SEPTIN6: variants seen among roughly 807,000 people sequenced by gnomAD.
The protein encoded by SEPTIN6 is septin-6.
A neutral mutation model predicts 33.6 loss-of-function variants in SEPTIN6; 8 were observed. The ratio of observed to expected loss-of-function variants is 0.24; its 90% CI spans 0.14 to 0.43. SEPTIN6 has a LOEUF of 0.43. Ranked by LOEUF, SEPTIN6 falls within the 20% of genes least tolerant of loss-of-function variation. SEPTIN6 has a pLI of 1.00. For missense variants in SEPTIN6, 250 were observed against 340.8 expected (o/e 0.73, Z 2.10); for synonymous variants, 131 against 140.0 (o/e 0.94, Z 0.45).
chrX:119,636,402 C>T (rs754809373), intron 7 of SEPTIN6, among the ~76,000 whole-genome samples: 1 of 111,766 alleles, frequency 8.9e-6, no homozygotes, highest in Non-Finnish European at 1.9e-5. Context: ...CAAAAACATT[C>T]CCCTTCTCTA....
intron 9 of SEPTIN6, chrX:119,629,087 T>C: frequency 2.6e-6 from 1 of 379,231 alleles, no homozygotes; most frequent in South Asian, 5.9e-5. Flanking sequence ...GCTGGACAGA[T>C]GGGCTGGGCC....
intron 10 of SEPTIN6, among the ~76,000 whole-genome samples, chrX:119,620,611 A>G (rs1347864773): frequency 1.6e-4 from 16 of 100,749 alleles, no homozygotes; most frequent in East Asian, 9.6e-4. Context: ...GAGCCACTGC[A>G]CCCGGCTCTT....
intron 3 of SEPTIN6, among the ~76,000 whole-genome samples, chrX:119,661,041 CAAAAAAAAAAAAAAAA>C (rs58898121): frequency 1.0e-4 from 1 of 9,533 alleles, no homozygotes. Context: ...GACTCCATCT[CAAAAAAAAAAAAAAAA>C]AAAAAAAAAA....
chrX:119,659,157 G>C (rs1244932552), intron 3 of SEPTIN6, among the ~76,000 whole-genome samples: 1 of 111,743 alleles, frequency 8.9e-6, no homozygotes, highest in Non-Finnish European at 1.9e-5. Context: ...GTGTTTGTGT[G>C]AGAGGGTCTC....
rs750823322 is a variant in SEPTIN6 at position 119,663,471 on chromosome X, G to A, written c.341+11C>T. ...CCTCCCCACCCTACCCCACCCCACC[G>A]CCTTCTTTACCTGTCCTCTTTGTTG... On this transcript the variant is annotated intron_variant, in intron 3 of 10. Transcript: ENST00000394610. 2.6e-4 allele frequency: 76 copies of A among 296,533 alleles called. No homozygotes were observed. The highest frequency in any genetic ancestry group is 2.0e-3 in the Middle Eastern group (3 of 1,521). The allele number at this position is 296,533 out of a possible 1,213,427, so 24.4% of individuals were successfully genotyped here. A position where few individuals can be genotyped will look rare whatever the true frequency, so the allele number is the denominator to read the frequency against.
chrX:119,648,977 TAGG>T (rs2054308777), intron 5 of SEPTIN6, among the ~76,000 whole-genome samples: 1 of 111,581 alleles, frequency 9.0e-6, no homozygotes, highest in Non-Finnish European at 1.9e-5. Flanking sequence ...AAGGAAGCAT[TAGG>T]AGATGTTTGC....
chrX:119,665,085 A>ATTC (rs201248910), intron 2 of SEPTIN6, among the ~76,000 whole-genome samples: 4 of 103,930 alleles, frequency 3.8e-5, no homozygotes, highest in South Asian at 4.2e-4. Flanking sequence ...GGCCACAAAA[A>ATTC]TTCTTCTTCT....
At chrX:119,678,941 ATTTTC>A (rs2054896120) in intron 1 of SEPTIN6, among the ~76,000 whole-genome samples, 1 of 110,454 alleles carries the variant, frequency 9.1e-6, no homozygotes. Context: ...AGAAGAAAAA[ATTTTC>A]TTTTCTTTCC....
At chrX:119,652,804 A>C in intron 4 of SEPTIN6, 50 bp downstream of exon 4, 6 of 1,074,556 alleles carry the variant, frequency 5.6e-6, no homozygotes, top group African/African-American at 1.8e-5. Context: ...ACTTTGCACA[A>C]GAGATCAGTA....
chrX:119,682,886 G>A (rs1461966370), intron 1 of SEPTIN6, among the ~76,000 whole-genome samples: 1 of 111,936 alleles, frequency 8.9e-6, no homozygotes, highest in African/African-American at 3.3e-5. Flanking sequence ...AAGAATAAAA[G>A]CAAAAAGTTT....
At chrX:119,645,503 TCCTCCTGCCTCAG>T in intron 5 of SEPTIN6, among the ~76,000 whole-genome samples, 1 of 110,659 alleles carries the variant, frequency 9.0e-6, no homozygotes, top group Middle Eastern at 4.7e-3. Context: ...GTTCAAGCGA[TCCTCCTGCCTCAG>T]CCTCCTGAGT....
At chrX:119,678,382 T>C (rs2054880793) in intron 1 of SEPTIN6, among the ~76,000 whole-genome samples, 1 of 109,754 alleles carries the variant, frequency 9.1e-6, no homozygotes, top group Non-Finnish European at 1.9e-5. Context: ...TAGCCGGGCG[T>C]GGTGGCGGGC....
chrX:119,654,201 C>T (rs781646554), intron 3 of SEPTIN6, among the ~76,000 whole-genome samples: 13 of 111,641 alleles, frequency 1.2e-4, no homozygotes, highest in Non-Finnish European at 2.1e-4. Flanking sequence ...TCTAGGTGGC[C>T]CCCAAGTCTT....
chrX:119,654,716 G>A (rs917995162), intron 3 of SEPTIN6, among the ~76,000 whole-genome samples: 1 of 111,664 alleles, frequency 9.0e-6, no homozygotes, highest in African/African-American at 3.3e-5. Flanking sequence ...TTTTAAGATG[G>A]AGTTTCGCTC....
At chrX:119,646,968 G>A (rs780268522) in intron 5 of SEPTIN6, 3 of 126,008 alleles carry the variant, frequency 2.4e-5, no homozygotes, top group South Asian at 2.4e-4. Flanking sequence ...CCATCACAGC[G>A]CATGTAACAC....
Position 119,617,335 on chromosome X carries a change from A to G in SEPTIN6, c.*2758T>C. The G allele has an allele frequency of 1.2e-6, 1 of 805,484 alleles. No homozygotes were observed. Among genetic ancestry groups the G allele is most frequent in the Non-Finnish European group, 1.5e-6 (1 of 670,615 alleles). The allele number at this position is 805,484 out of a possible 1,213,427, so 66.4% of individuals were successfully genotyped here. ...TGTCTACAGTGAGAAAAGCTACCCA[A>G]TGAAATACACATTTTAATAGGTTGA... On this transcript the variant is annotated 3_prime_UTR_variant, in exon 11 of 11. Transcript: ENST00000394610.
intron 1 of SEPTIN6, among the ~76,000 whole-genome samples, chrX:119,692,796 G>A (rs1467520699): frequency 8.9e-6 from 1 of 112,201 alleles, no homozygotes; most frequent in Non-Finnish European, 1.9e-5. Context: ...CAGCGAGGGA[G>A]GCGGTGGCGC....
At chrX:119,680,259 C>G (rs142514436) in intron 1 of SEPTIN6, among the ~76,000 whole-genome samples, 2,832 of 107,750 alleles carry the variant, frequency 0.026, 41 homozygotes, top group Non-Finnish European at 0.041. Flanking sequence ...GAGTTTCTCT[C>G]TTGTTGTCCA....
chrX:119,642,177 CA>C (rs1188953936), intron 5 of SEPTIN6, among the ~76,000 whole-genome samples: 14,795 of 44,940 alleles, frequency 0.33, 1,110 homozygotes, highest in South Asian at 0.42. Context: ...GACCCAGTCT[CA>C]AAAAAAAAAA....
Sources: gnomAD v4.1 joint callset for allele counts (sites outside exome capture counted in the v4.1 genomes callset) on GRCh38, gnomAD v4.1.1 for gene constraint, MANE v1.5 for transcripts, NCBI Gene and HGNC (gene_info 2026-07-23, HGNC 2026-07-21) for gene names.